Variants in SNX29 observed in about 807,000 individuals in gnomAD.
SNX29 encodes the protein sorting nexin 29.
In SNX29, 78 loss-of-function variants were observed where a neutral mutation model predicts 102.1. That is an observed-to-expected ratio of 0.76 (90% CI 0.64 to 0.92). SNX29 has a LOEUF of 0.92. Among genes scored for constraint, SNX29 ranks in the 40% least tolerant of loss-of-function variants. SNX29 has a pLI of 0.00. For synonymous variants in SNX29, 580 were observed against 414.5 expected, an observed-to-expected ratio of 1.40 and a Z score of -4.85; for missense variants, 1,280 against 1,061.7, an observed-to-expected ratio of 1.21 and a Z score of -2.86.
At chr16:11,993,873 C>T (rs1270253741) in intron 1 of SNX29, among the ~76,000 whole-genome samples, 1 of 152,170 alleles carries the variant, frequency 6.6e-6, no homozygotes, top group East Asian at 1.9e-4. Context: ...GTAATCCCAA[C>T]ACTTTGGAAG....
At chr16:12,545,993 C>A (rs10492794) in intron 20 of SNX29, among the ~76,000 whole-genome samples, 1 of 151,960 alleles carries the variant, frequency 6.6e-6, no homozygotes, top group African/African-American at 2.4e-5. Flanking sequence ...GTAGTTTGAA[C>A]ACCTGGATGC....
At chr16:12,555,885 C>T (rs1388679992) in intron 20 of SNX29, among the ~76,000 whole-genome samples, 2 of 151,962 alleles carry the variant, frequency 1.3e-5, no homozygotes, top group Admixed American at 1.3e-4. Flanking sequence ...GTGCTTTCTG[C>T]CCTCCTGTTC....
intron 15 of SNX29, among the ~76,000 whole-genome samples, chr16:12,339,711 T>C (rs542804093): frequency 6.6e-6 from 1 of 152,368 alleles, no homozygotes; most frequent in African/African-American, 2.4e-5. Flanking sequence ...TCCAAGCTTA[T>C]GTCCTATGAG....
chr16:12,180,611 G>C (rs923921984), intron 13 of SNX29, among the ~76,000 whole-genome samples: 4 of 152,064 alleles, frequency 2.6e-5, no homozygotes, highest in African/African-American at 9.7e-5. Context: ...AGCCTCCCGA[G>C]TAGCTGGGAC....
chr16:12,374,977 T>C (rs1378350597), intron 16 of SNX29: 1 of 152,136 alleles, frequency 6.6e-6, no homozygotes, highest in African/African-American at 2.4e-5. Context: ...AGATGAATGG[T>C]GTAATCCCAC....
chr16:12,344,706 C>CA (rs1441399452), intron 15 of SNX29, among the ~76,000 whole-genome samples: 1 of 152,216 alleles, frequency 6.6e-6, no homozygotes, highest in African/African-American at 2.4e-5. Flanking sequence ...ACAGTGGCCT[C>CA]ACTGTATCCT....
rs967378901 is a variant in SNX29, at chr16:12,098,793, G to C, written c.1402+19878G>C. Among the ~76,000 whole-genome samples, 1 of 152,212 alleles carries C rather than the reference G, an allele frequency of 6.6e-6. No individual in the cohort carries two copies. Among genetic ancestry groups the C allele is most frequent in the Non-Finnish European group, 1.5e-5 (1 of 68,048 alleles). On this transcript the variant is annotated intron_variant, in intron 11 of 20. Coordinates refer to ENST00000566228, the MANE Select transcript of SNX29 (RefSeq NM_032167.5). The surrounding 1 kb of genome is among the most constrained non-coding windows in gnomAD (Gnocchi z 6.0). ...TGGGAAGGTGGGCTTACAAAACCTCGTCCCTGAGTCTAACAGTCAGAGGTA... is the reference window on the plus strand; with the variant it reads ...TGGGAAGGTGGGCTTACAAAACCTCCTCCCTGAGTCTAACAGTCAGAGGTA...
chr16:12,227,956 A>G (rs1236256976), intron 14 of SNX29, among the ~76,000 whole-genome samples: 1 of 143,648 alleles, frequency 7.0e-6, no homozygotes, highest in Non-Finnish European at 1.5e-5. Flanking sequence ...GACCAGCAGT[A>G]GTGGACTCGT....
At chr16:12,532,121 G>C (rs1317729486) in intron 20 of SNX29, among the ~76,000 whole-genome samples, 2 of 152,220 alleles carry the variant, frequency 1.3e-5, no homozygotes, top group Non-Finnish European at 2.9e-5. Context: ...CATTAGTCAG[G>C]ATTGCCTTGC....
In SNX29 at chr16:12,114,840, C is replaced by A. The variant is rs76978124; in HGVS notation, c.1403-11793C>A. On this transcript the variant is annotated intron_variant, in intron 11 of 20. Coordinates refer to ENST00000566228, the MANE Select transcript of SNX29 (RefSeq NM_032167.5). ...ATCATAATTCCTTTGTAATTTAGGG[C>A]AAATCACTTCATATGTCTCAGTTTC... Among the ~76,000 whole-genome samples, 930 of 152,168 alleles carry A rather than the reference C, an allele frequency of 6.1e-3. 10 individuals carry two copies. The highest frequency in any genetic ancestry group is 0.022 in the African/African-American group (895 of 41,500).
intron 19 of SNX29, among the ~76,000 whole-genome samples, chr16:12,522,252 T>C (rs764974202): frequency 7.2e-5 from 11 of 152,174 alleles, no homozygotes; most frequent in African/African-American, 2.2e-4. Flanking sequence ...TGCTGAAAAA[T>C]TGTTCATTGT....
chr16:12,432,443 G>C (rs542102819), intron 18 of SNX29, among the ~76,000 whole-genome samples: 13 of 152,198 alleles, frequency 8.5e-5, no homozygotes, highest in Non-Finnish European at 1.5e-4. Flanking sequence ...AGCCCAGGCT[G>C]GTATGGGGAG....
chr16:12,177,731 A>C (rs1325247175), intron 13 of SNX29, among the ~76,000 whole-genome samples: 1 of 152,208 alleles, frequency 6.6e-6, no homozygotes, highest in Non-Finnish European at 1.5e-5. Context: ...TTTTAAAATG[A>C]GTGAATGAAT....
At chr16:12,043,103 A>G (rs2049952323) in intron 5 of SNX29, 26 bp downstream of exon 5, 2 of 1,610,514 alleles carry the variant, frequency 1.2e-6, no homozygotes, top group Non-Finnish European at 1.7e-6. Flanking sequence ...GCGAACTGGG[A>G]TGGGATGGAG....
chr16:12,023,248 C>A (rs1396848786), intron 3 of SNX29, among the ~76,000 whole-genome samples: 2 of 151,926 alleles, frequency 1.3e-5, no homozygotes, highest in African/African-American at 4.8e-5. Context: ...AAGTGACCCA[C>A]TTATTTAAAA....
intron 18 of SNX29, among the ~76,000 whole-genome samples, chr16:12,426,358 G>C (rs980556151): frequency 5.3e-5 from 8 of 152,154 alleles, no homozygotes; most frequent in African/African-American, 1.4e-4. Context: ...GACAGTGGCA[G>C]GCCTTGCTCT....
intron 14 of SNX29, among the ~76,000 whole-genome samples, chr16:12,211,758 C>T (rs997342673): frequency 6.6e-6 from 1 of 152,098 alleles, no homozygotes; most frequent in African/African-American, 2.4e-5. Flanking sequence ...ATGAAACCTC[C>T]GTTTTTTGTT....
At chr16:12,006,655 C>G (rs1596573145) in intron 3 of SNX29, among the ~76,000 whole-genome samples, 1 of 150,858 alleles carries the variant, frequency 6.6e-6, no homozygotes, top group African/African-American at 2.4e-5. Context: ...GGGTCTTGCT[C>G]TGTTGCTCAG....
intron 14 of SNX29, among the ~76,000 whole-genome samples, chr16:12,219,061 A>G (rs1359607664): frequency 6.6e-6 from 1 of 152,304 alleles, no homozygotes; most frequent in Admixed American, 6.5e-5. Context: ...GGTGTGAGCC[A>G]CCGCGCCTGG....
Sources: gnomAD v4.1 joint callset for allele counts (sites outside exome capture counted in the v4.1 genomes callset) on GRCh38, gnomAD v4.1.1 for gene constraint, Gnocchi (gnomAD v3.1) non-coding constraint, MANE v1.5 for transcripts, NCBI Gene and HGNC (gene_info 2026-07-23, HGNC 2026-07-21) for gene names.